FBN3: variants seen among roughly 807,000 people sequenced by gnomAD.
FBN3 encodes fibrillin-3.
In FBN3, 234 loss-of-function variants were observed where a neutral mutation model predicts 330.1. The ratio of observed to expected loss-of-function variants is 0.71; its 90% CI spans 0.64 to 0.79. The LOEUF is 0.79. FBN3 is among the 30% of genes least tolerant of loss of function. The pLI is 0.00. For synonymous variants in FBN3, 1,458 were observed against 1,517.3 expected, an observed-to-expected ratio of 0.96 and a Z score of 0.91; for missense variants, 3,606 against 3,886.9, an observed-to-expected ratio of 0.93 and a Z score of 1.92.
intron 34 of FBN3, among the ~76,000 whole-genome samples, chr19:8,110,140 C>G (rs1411765156): frequency 6.6e-6 from 1 of 152,232 alleles, no homozygotes; most frequent in East Asian, 1.9e-4. Context: ...ACTGCAGCCT[C>G]AAACTCCTGG....
In FBN3 at chr19:8,135,955, A is replaced by ACCCCCCCCCCCC; in HGVS notation, c.1591+5_1591+6insGGGGGGGGGGGG. 8.7e-6 allele frequency: 1 copy of ACCCCCCCCCCCC among 115,332 alleles called. No homozygotes were observed. The highest frequency in any genetic ancestry group is 1.6e-5 in the Non-Finnish European group (1 of 60,866). 7.1% of individuals were successfully genotyped at this position (115,332 alleles called of 1,614,324 possible). A position where few individuals can be genotyped will look rare whatever the true frequency, so the allele number is the denominator to read the frequency against. On this transcript the variant is annotated splice_donor_region_variant and intron_variant, in intron 13 of 63. Transcript: ENST00000600128. The stretch of plus-strand genomic sequence containing the variant: ...GCCCCTGCCCACCCGCCCACCCCCA[A>ACCCCCCCCCCCC]CTCACCCACACAGTTCTTGCCGTCA...
At position 8,090,245 on chromosome 19, in the gene FBN3, C is replaced by A; in HGVS notation, c.6038G>T (p.Arg2013Leu). The change falls in exon 49 of 64, where the codon CGG becomes CTG. Residue 2013 changes from arginine (R) to leucine (L), a missense_variant. Physicochemically the swap from Arg to Leu is moderately radical, Grantham distance 102. Transcript: ENST00000600128. ...SDNGHRCFDT[R>L]QSFCFTRFEA... ...AAAACGGGTGAAGCAGAAACTCTGC[C>A]GTGTGTCTGTGGGGTGGGGGCTCCA... The A allele has an allele frequency of 6.2e-7, 1 of 1,613,840 alleles. No individual in the cohort carries two copies. The highest frequency in any genetic ancestry group is 8.5e-7 in the Non-Finnish European group (1 of 1,179,974).
At chr19:8,068,570 C>CATGTACCTGTGGTCTCAGCT (rs1398546079) in intron 63 of FBN3, among the ~76,000 whole-genome samples, 21 of 151,684 alleles carry the variant, frequency 1.4e-4, no homozygotes, top group Admixed American at 1.3e-3. Context: ...TGTGGTGGTA[C>CATGTACCTGTGGTCTCAGCT]ATGTACCTGT....
Position 8,127,033 on chromosome 19 carries a change from A to C in FBN3, c.2297-201T>G, listed in dbSNP as rs535271098. ...TGTGTGTGTACATGCTGTAAGAGAC[A>C]GGAAATGCCAAACTGTTTTTTTTTT... On this transcript the variant is annotated intron_variant, in intron 18 of 63. Coordinates refer to ENST00000600128, the MANE Select transcript of FBN3 (RefSeq NM_032447.5). Among the ~76,000 whole-genome samples the C allele has an allele frequency of 4.0e-5, 6 of 148,460 alleles. No homozygotes were observed. In the South Asian group the frequency reaches 6.4e-4, roughly 16 times the overall value.
chr19:8,117,917 C>T (rs2082743534), intron 26 of FBN3, among the ~76,000 whole-genome samples: 1 of 151,958 alleles, frequency 6.6e-6, no homozygotes, highest in South Asian at 2.1e-4. Flanking sequence ...AGTGCACACT[C>T]CTAAATTCAC....
intron 1 of FBN3, among the ~76,000 whole-genome samples, chr19:8,147,934 G>A (rs1411062356): frequency 1.3e-5 from 2 of 152,124 alleles, no homozygotes; most frequent in Admixed American, 1.3e-4. Flanking sequence ...AGGGTCCCGG[G>A]GGGGAAACAG....
chr19:8,103,910 G>A (rs537600583), intron 38 of FBN3, among the ~76,000 whole-genome samples: 1 of 152,068 alleles, frequency 6.6e-6, no homozygotes, highest in Non-Finnish European at 1.5e-5. Context: ...GCTGAGGTGG[G>A]AGGATCATTT....
In FBN3 at chr19:8,117,209, C is replaced by A. The variant is rs1001762435; in HGVS notation, c.3546G>T (p.Gly1182=). The change falls in exon 28 of 64, where the codon GGG becomes GGT. Residue 1182 remains glycine (G), a synonymous_variant. Transcript: ENST00000600128. The stretch of plus-strand genomic sequence containing the variant: ...CGTCGGGCATCAGCGAGTAGCCCTG[C>A]CCACAGCTGCACCGGTAGCTGCCCT... ...NTEGSYRCSC[G]QGYSLMPDGR... 1 of 1,614,108 alleles carries A rather than the reference C, an allele frequency of 6.2e-7. No individual in the cohort carries two copies. Among genetic ancestry groups the A allele is most frequent in the Admixed American group, 1.7e-5 (1 of 60,014 alleles).
At chr19:8,102,948 G>T (rs922511374) in intron 39 of FBN3, 75 bp from the exon 40 acceptor site, 3 of 1,405,496 alleles carry the variant, frequency 2.1e-6, no homozygotes, top group Non-Finnish European at 3.0e-6. Flanking sequence ...AAAGAGATAG[G>T]AACTCCTTAA....
rs200603068 is a variant in FBN3 at position 8,081,934 on chromosome 19, TCCTC to T, written c.7214-458_7214-455del. 4.6e-3 allele frequency among the ~76,000 whole-genome samples: 688 copies of T among 150,394 alleles called. 2 individuals carry two copies. The highest frequency in any genetic ancestry group is 0.028 in the South Asian group (131 of 4,676). ...GGGTGGGGGTGGGAGAACGAAAGGA[TCCTC>T]CCTCCCTCCCTCCCTCCCTTCCTTG... On this transcript the variant is annotated intron_variant, in intron 57 of 63. Transcript: ENST00000600128.
Position 8,096,290 on chromosome 19 carries a change from G to A in FBN3, c.5539+154C>T, listed in dbSNP as rs1387665945. On this transcript the variant is annotated intron_variant, in intron 44 of 63. Transcript: ENST00000600128. The surrounding 1 kb of genome is among the most constrained non-coding windows in gnomAD (Gnocchi z 4.6). ...AGATGGGAAAACTGAGGCACAGGGAGGCAGATCAACCATTTACCCAAGATC... is the reference window on the plus strand; with the variant it reads ...AGATGGGAAAACTGAGGCACAGGGAAGCAGATCAACCATTTACCCAAGATC... Among the ~76,000 whole-genome samples the A allele has an allele frequency of 6.6e-6, 1 of 152,172 alleles. No homozygotes were observed. Among genetic ancestry groups the A allele is most frequent in the Non-Finnish European group, 1.5e-5 (1 of 68,028 alleles).
intron 4 of FBN3, 89 bp from the exon 5 acceptor site, chr19:8,146,027 C>A (rs1338172894): frequency 1.0e-5 from 15 of 1,485,766 alleles, no homozygotes; most frequent in Middle Eastern, 1.7e-4. Flanking sequence ...GCATGCTCAG[C>A]CCCGCTCCTG....
At position 8,117,540 on chromosome 19, in the gene FBN3, A is replaced by G; in HGVS notation, c.3387T>C (p.Cys1129=). 6.4e-7 allele frequency: 1 copy of G among 1,558,018 alleles called. No homozygotes were observed. Among genetic ancestry groups the G allele is most frequent in the African/African-American group, 1.4e-5 (1 of 73,470 alleles). Residue 1129 remains cysteine, a synonymous_variant, in exon 27 of 64, where the codon TGT becomes TGC. Transcript: ENST00000600128. ...LSDGLCPHGQ[C]VNVIGAFQCS... is the part of the protein sequence containing the mutation. Reference sequence around the variant, plus strand: ...ACTGGAAGGCACCGATGACATTGACACACTGGCCATGGGGACACAGGCCAT... The same window carrying G: ...ACTGGAAGGCACCGATGACATTGACGCACTGGCCATGGGGACACAGGCCAT...
rs2082217661 is a variant in FBN3 at position 8,096,738 on chromosome 19, C to G, written c.5413+143G>C. The G allele has an allele frequency of 7.8e-7, 1 of 1,282,004 alleles. No individual in the cohort carries two copies. The highest frequency in any genetic ancestry group is 1.5e-5 in the African/African-American group (1 of 67,694). The allele number at this position is 1,282,004 out of a possible 1,614,324, so 79.4% of individuals were successfully genotyped here. A position where few individuals can be genotyped will look rare whatever the true frequency, so the allele number is the denominator to read the frequency against. On this transcript the variant is annotated intron_variant, in intron 43 of 63. Coordinates refer to ENST00000600128, the MANE Select transcript of FBN3 (RefSeq NM_032447.5). This position sits in a 1 kb window ranked among gnomAD's most constrained non-coding sequence, Gnocchi z 4.6. Reference sequence around the variant, plus strand: ...CCTGAGCTCTCACCTCTATCACATCCTATTAACAGACACTCTCAATACATC... The same window carrying G: ...CCTGAGCTCTCACCTCTATCACATCGTATTAACAGACACTCTCAATACATC...
chr19:8,144,610 T>G (rs974089127), intron 6 of FBN3, among the ~76,000 whole-genome samples: 2 of 151,642 alleles, frequency 1.3e-5, no homozygotes, highest in South Asian at 4.2e-4. Context: ...ATCTTCTGCT[T>G]GCAGTTTCTT....
intron 18 of FBN3, among the ~76,000 whole-genome samples, chr19:8,127,616 C>T (rs896081225): frequency 2.0e-5 from 3 of 152,310 alleles, no homozygotes; most frequent in East Asian, 3.9e-4. Flanking sequence ...GCCTTCTCCT[C>T]GGGCTTGATC....
chr19:8,148,206 G>A lies in FBN3; in HGVS notation c.-17-709C>T, dbSNP rs150229349. Among the ~76,000 whole-genome samples the A allele has an allele frequency of 2.4e-3, 366 of 152,146 alleles. 2 individuals carry two copies. The highest frequency in any genetic ancestry group is 8.5e-3 in the African/African-American group (352 of 41,510). ...TCCCCTCGCCTCCACATCCCACGCCGGTCTTGCCTGGGCTGTGCACCCTTA... is the reference window on the plus strand; with the variant it reads ...TCCCCTCGCCTCCACATCCCACGCCAGTCTTGCCTGGGCTGTGCACCCTTA... On this transcript the variant is annotated intron_variant, in intron 1 of 63. Transcript: ENST00000600128.
chr19:8,090,181 G>A lies in FBN3; in HGVS notation c.6102C>T (p.Thr2034=). The change falls in exon 49 of 64, where the codon ACC becomes ACT. Residue 2034 remains threonine (T), a synonymous_variant. Transcript: ENST00000600128. ...GKCSVPKAFN[T]TKTRCCCSKR... is the part of the protein sequence containing the mutation. ...TACTGCAGCAGCAGCGGGTCTTGGT[G>A]GTGTTGAAAGCTTTGGGCACCGAGC... The A allele has an allele frequency of 1.2e-6, 2 of 1,614,096 alleles. No homozygotes were observed. The highest frequency in any genetic ancestry group is 1.7e-5 in the Admixed American group (1 of 60,010).
In FBN3 at chr19:8,073,049, C is replaced by T; in HGVS notation, c.7937+14G>A. Reference sequence around the variant, plus strand: ...CGGGGCATGGAGTCTGCTTGCCCCACTCCAGCCTCTCACCCTTGCCCAGCC... The same window carrying T: ...CGGGGCATGGAGTCTGCTTGCCCCATTCCAGCCTCTCACCCTTGCCCAGCC... On this transcript the variant is annotated intron_variant, in intron 62 of 63. Transcript: ENST00000600128. 6.3e-7 allele frequency: 1 copy of T among 1,587,322 alleles called. No homozygotes were observed.
Sources: allele counts gnomAD v4.1 joint callset (sites outside exome capture counted in the v4.1 genomes callset), GRCh38; gene constraint gnomAD v4.1.1; non-coding constraint Gnocchi (gnomAD v3.1); transcripts MANE v1.5; gene names NCBI Gene and HGNC (gene_info 2026-07-23, HGNC 2026-07-21).